Variants in HTRA1 observed in about 807,000 individuals in gnomAD.
HTRA1 encodes HtrA serine peptidase 1, also known as serine protease HTRA1.
HTRA1 carries 26 observed loss-of-function variants against 49.7 expected under a neutral mutation model. The observed-to-expected ratio is 0.52, with a 90% confidence interval of 0.38 to 0.73. The LOEUF (loss-of-function observed/expected upper bound fraction) is 0.73, where lower values mean the gene tolerates loss of function less well. Ranked by LOEUF, HTRA1 falls within the 30% of genes least tolerant of loss-of-function variation. HTRA1 has a pLI of 0.00. For synonymous variants in HTRA1, 291 were observed against 286.9 expected (o/e 1.01, Z -0.14); for missense variants, 561 against 667.2 (o/e 0.84, Z 1.75).
At position 122,488,768 on chromosome 10, in the gene HTRA1, G is replaced by T. The variant is rs935248792; in HGVS notation, c.473-134G>T. On this transcript the variant is annotated intron_variant, in intron 1 of 8. Transcript: ENST00000368984. ...TGGACATTTGCAGCTGAGCCCAGGT[G>T]GGGGAATTGCGCTCACTCCGCCTTC... The T allele has an allele frequency of 1.8e-5, 14 of 789,070 alleles. No individual in the cohort carries two copies. The East Asian group carries it at 3.0e-4, about 17-fold the overall frequency. The allele number at this position is 789,070 out of a possible 1,614,324, so 48.9% of individuals were successfully genotyped here. A position where few individuals can be genotyped will look rare whatever the true frequency, so the allele number is the denominator to read the frequency against.
At chr10:122,477,981 C>T (rs1015304228) in intron 1 of HTRA1, among the ~76,000 whole-genome samples, 1 of 152,164 alleles carries the variant, frequency 6.6e-6, no homozygotes, top group African/African-American at 2.4e-5. Flanking sequence ...CAGACCTGCC[C>T]AGTTTCTTAG....
chr10:122,504,927 T>C, intron 3 of HTRA1, among the ~76,000 whole-genome samples: 1 of 152,080 alleles, frequency 6.6e-6, no homozygotes, highest in East Asian at 1.9e-4. Flanking sequence ...AGGGAAAGGG[T>C]CACCCACTGT....
intron 3 of HTRA1, among the ~76,000 whole-genome samples, chr10:122,496,220 TG>T: frequency 7.5e-6 from 1 of 132,702 alleles, no homozygotes; most frequent in Non-Finnish European, 1.6e-5. Context: ...TGCCAGAGAT[TG>T]TGGGTTCTTT....
At chr10:122,489,107 A>G in intron 2 of HTRA1, 106 bp downstream of exon 2, 2 of 819,160 alleles carry the variant, frequency 2.4e-6, no homozygotes, top group South Asian at 2.8e-5. Flanking sequence ...GTGTCACTGA[A>G]TATCTTCCTA....
Position 122,488,950 on chromosome 10 carries a change from A to C in HTRA1, c.521A>C (p.Asp174Ala), listed in dbSNP as rs763221423. ...SLRHKYNFIA[D>A]VVEKIAPAVV... is the part of the protein sequence containing the mutation. ...CGCCATAAATATAACTTTATCGCGG[A>C]CGTGGTGGAGAAGATCGCCCCTGCC... Residue 174 changes from aspartate to alanine, a missense_variant, in exon 2 of 9, where the codon GAC becomes GCC. By Grantham distance (126) the Asp-to-Ala change is moderately radical. Coordinates refer to ENST00000368984, the MANE Select transcript of HTRA1 (RefSeq NM_002775.5). The C allele has an allele frequency of 5.0e-6, 8 of 1,614,086 alleles. No individual in the cohort carries two copies. The highest frequency in any genetic ancestry group is 6.8e-6 in the Non-Finnish European group (8 of 1,180,040).
At chr10:122,507,684 A>G (rs1253829338) in intron 5 of HTRA1, among the ~76,000 whole-genome samples, 3 of 152,164 alleles carry the variant, frequency 2.0e-5, no homozygotes, top group African/African-American at 7.2e-5. Flanking sequence ...ACAGGTAAAC[A>G]CCGTGAAATT....
Position 122,464,771 on chromosome 10 carries a change from T to C in HTRA1, c.472+2647T>C, listed in dbSNP as rs1312403112. Among the ~76,000 whole-genome samples, 1 of 152,206 alleles carries C rather than the reference T, an allele frequency of 6.6e-6. No homozygotes were observed. The highest frequency in any genetic ancestry group is 2.4e-5 in the African/African-American group (1 of 41,456). On this transcript the variant is annotated intron_variant, in intron 1 of 8. Transcript: ENST00000368984. The surrounding 1 kb of genome is among the most constrained non-coding windows in gnomAD (Gnocchi z 4.8). ...CAGCTGGTGCCCACGGGCAGGTCACTTGACGTCACTGTTAAATGAGGTGAA... is the reference window on the plus strand; with the variant it reads ...CAGCTGGTGCCCACGGGCAGGTCACCTGACGTCACTGTTAAATGAGGTGAA...
chr10:122,481,788 A>T (rs929218785), intron 1 of HTRA1, among the ~76,000 whole-genome samples: 1 of 152,178 alleles, frequency 6.6e-6, no homozygotes, highest in African/African-American at 2.4e-5. Flanking sequence ...TTCTCATGAT[A>T]GTGAATAAGT....
rs191885480 is a variant in HTRA1 at position 122,487,275 on chromosome 10, G to C, written c.473-1627G>C. 3.3e-5 allele frequency among the ~76,000 whole-genome samples: 5 copies of C among 152,298 alleles called. No individual in the cohort carries two copies. Among genetic ancestry groups the C allele is most frequent in the Admixed American group, 1.3e-4 (2 of 15,298 alleles). On this transcript the variant is annotated intron_variant, in intron 1 of 8. Coordinates refer to ENST00000368984, the MANE Select transcript of HTRA1 (RefSeq NM_002775.5). The surrounding 1 kb of genome is among the most constrained non-coding windows in gnomAD (Gnocchi z 4.8). Reference sequence around the variant, plus strand: ...GTGCATGGCTCTCAGCTGCAGACCAGCCTGGAACCTCTCCAGCCTGCTTTA... The same window carrying C: ...GTGCATGGCTCTCAGCTGCAGACCACCCTGGAACCTCTCCAGCCTGCTTTA...
chr10:122,495,190 T>C (rs1237840584), intron 3 of HTRA1, among the ~76,000 whole-genome samples: 1 of 152,226 alleles, frequency 6.6e-6, no homozygotes, highest in Non-Finnish European at 1.5e-5. Flanking sequence ...GAGCCTGGAA[T>C]GCACATCGCA....
rs758041217 is a variant in HTRA1, at chr10:122,489,006, A to G, written c.572+5A>G. Reference sequence around the variant, plus strand: ...TCATATCGAATTGTTTCGCAAGTAAAGAGAGCCTTCCTTTTTCCTATAACC... The same window carrying G: ...TCATATCGAATTGTTTCGCAAGTAAGGAGAGCCTTCCTTTTTCCTATAACC... On this transcript the variant is annotated splice_donor_5th_base_variant and intron_variant, in intron 2 of 8. Coordinates refer to ENST00000368984, the MANE Select transcript of HTRA1 (RefSeq NM_002775.5). 1.2e-6 allele frequency: 2 copies of G among 1,605,560 alleles called. No individual in the cohort carries two copies. Among genetic ancestry groups the G allele is most frequent in the African/African-American group, 2.7e-5 (2 of 74,862 alleles).
At chr10:122,468,952 G>A (rs761970269) in intron 1 of HTRA1, among the ~76,000 whole-genome samples, 1 of 152,114 alleles carries the variant, frequency 6.6e-6, no homozygotes, top group Non-Finnish European at 1.5e-5. Context: ...TAGATTCCAG[G>A]ACAAATTGTC....
chr10:122,508,541 C>T (rs967351854), intron 5 of HTRA1, 115 bp from the exon 6 acceptor site: 1 of 802,446 alleles, frequency 1.2e-6, no homozygotes, highest in South Asian at 1.4e-5. Flanking sequence ...CCTTGCATCT[C>T]CCCACTTCGA....
Position 122,461,596 on chromosome 10 carries a change from C to A in HTRA1, c.-57C>A, listed in dbSNP as rs554513888. ...CGAGGCCCTCCTGCACTCTCCCCGG[C>A]GCCGCTCTCCGGCCCTCGCCCTGTC... On this transcript the variant is annotated 5_prime_UTR_variant, in exon 1 of 9. Transcript: ENST00000368984. 18,581 of 1,134,978 alleles carry A rather than the reference C, an allele frequency of 0.016. 206 individuals carry two copies. Among genetic ancestry groups the A allele is most frequent in the Non-Finnish European group, 0.017 (15,101 of 863,830 alleles). 70.3% of individuals were successfully genotyped at this position (1,134,978 alleles called of 1,614,324 possible). A position where few individuals can be genotyped will look rare whatever the true frequency, so the allele number is the denominator to read the frequency against.
In HTRA1 at chr10:122,485,038, GC is replaced by G; in HGVS notation, c.473-3862del. Among the ~76,000 whole-genome samples the G allele has an allele frequency of 2.6e-5, 4 of 152,320 alleles. No individual in the cohort carries two copies. In the East Asian group the frequency reaches 7.7e-4, roughly 29 times the overall value. ...GGTGTCTGTAGACCATCAGGCAGTGGCCACTCCATGTAGTTTAATGGACAAG... is the reference window on the plus strand; with the variant it reads ...GGTGTCTGTAGACCATCAGGCAGTGGCACTCCATGTAGTTTAATGGACAAG... On this transcript the variant is annotated intron_variant, in intron 1 of 8. Coordinates refer to ENST00000368984, the MANE Select transcript of HTRA1 (RefSeq NM_002775.5).
At chr10:122,485,412 G>A (rs144371670) in intron 1 of HTRA1, among the ~76,000 whole-genome samples, 29 of 152,308 alleles carry the variant, frequency 1.9e-4, no homozygotes, top group African/African-American at 7.0e-4. Flanking sequence ...TCCTGGACCT[G>A]ATCTCAAATT....
intron 1 of HTRA1, among the ~76,000 whole-genome samples, chr10:122,465,142 G>C (rs1322931698): frequency 6.6e-6 from 1 of 152,112 alleles, no homozygotes; most frequent in Non-Finnish European, 1.5e-5. Context: ...TTATTGAATA[G>C]ACCTCAGAGA....
Position 122,485,902 on chromosome 10 carries a change from C to T in HTRA1, c.473-3000C>T, listed in dbSNP as rs142395640. On this transcript the variant is annotated intron_variant, in intron 1 of 8. Coordinates refer to ENST00000368984, the MANE Select transcript of HTRA1 (RefSeq NM_002775.5). ...GGCTGGAGTTAAACCTCTTCTTGGCCTTTCCCCAGGAAGCTGGTCTGAGGA... is the reference window on the plus strand; with the variant it reads ...GGCTGGAGTTAAACCTCTTCTTGGCTTTTCCCCAGGAAGCTGGTCTGAGGA... 4.5e-3 allele frequency among the ~76,000 whole-genome samples: 685 copies of T among 152,352 alleles called. 9 individuals carry two copies. Among genetic ancestry groups the T allele is most frequent in the African/African-American group, 0.015 (615 of 41,590 alleles).
chr10:122,471,372 C>G (rs923475291), intron 1 of HTRA1, among the ~76,000 whole-genome samples: 1 of 152,196 alleles, frequency 6.6e-6, no homozygotes, highest in African/African-American at 2.4e-5. Flanking sequence ...TGACACTTGT[C>G]ATTTACAGTC....
Sources: gnomAD v4.1 joint callset for allele counts (sites outside exome capture counted in the v4.1 genomes callset) on GRCh38, gnomAD v4.1.1 for gene constraint, Gnocchi (gnomAD v3.1) non-coding constraint, MANE v1.5 for transcripts, NCBI Gene and HGNC (gene_info 2026-07-23, HGNC 2026-07-21) for gene names.